Variants in ERG observed in about 807,000 individuals in gnomAD.
The protein encoded by ERG is transcriptional regulator ERG.
Under a neutral mutation model 55.3 loss-of-function variants are expected in ERG, and 9 were observed. That is an observed-to-expected ratio of 0.16 (90% CI 0.10 to 0.28). The LOEUF is 0.28. Ranked by LOEUF, ERG falls within the 10% of genes least tolerant of loss-of-function variation. The probability of loss-of-function intolerance (pLI) is 1.00; values close to 1 mark genes in which losing one functional copy is unlikely to be tolerated. For missense variants in ERG, 434 were observed against 631.6 expected, an observed-to-expected ratio of 0.69 and a Z score of 3.35; for synonymous variants, 223 against 237.3, an observed-to-expected ratio of 0.94 and a Z score of 0.55.
At chr21:38,436,306 T>G (rs2058789662) in intron 2 of ERG, among the ~76,000 whole-genome samples, 1 of 152,146 alleles carries the variant, frequency 6.6e-6, no homozygotes, top group African/African-American at 2.4e-5. Flanking sequence ...TAAAGGTGAG[T>G]GCAGGTGAAC....
chr21:38,637,490 T>C (rs1422120877), intron 1 of ERG, among the ~76,000 whole-genome samples: 4 of 152,198 alleles, frequency 2.6e-5, no homozygotes, highest in African/African-American at 7.2e-5. Context: ...CCTTGGAAAG[T>C]TACCTAACAT....
At chr21:38,622,323 G>A (rs1029398861) in intron 1 of ERG, among the ~76,000 whole-genome samples, 3 of 152,038 alleles carry the variant, frequency 2.0e-5, no homozygotes, top group Non-Finnish European at 2.9e-5. Context: ...CTGCCGCGCC[G>A]AGGGAATGGG....
intron 1 of ERG, chr21:38,450,847 C>A: frequency 2.2e-6 from 1 of 447,790 alleles, no homozygotes; most frequent in South Asian, 1.6e-5. Flanking sequence ...TGACATCTTA[C>A]ATTTTATGAA....
chr21:38,395,459 C>T (rs562796056), intron 6 of ERG: 1 of 215,370 alleles, frequency 4.6e-6, no homozygotes, highest in South Asian at 1.9e-4. Flanking sequence ...ATCATTTCAA[C>T]ACCCTCTCCA....
intron 2 of ERG, among the ~76,000 whole-genome samples, chr21:38,518,604 G>A (rs2059571045): frequency 6.6e-6 from 1 of 151,912 alleles, no homozygotes; most frequent in Non-Finnish European, 1.5e-5. Context: ...AACTTGAGAA[G>A]TAACTCATAA....
At chr21:38,504,050 G>A (rs1440837681) in intron 2 of ERG, among the ~76,000 whole-genome samples, 1 of 152,076 alleles carries the variant, frequency 6.6e-6, no homozygotes, top group Non-Finnish European at 1.5e-5. Context: ...GGGGGGGTAG[G>A]GGAGTGCCAT....
rs115007016 is a variant in ERG at position 38,391,169 on chromosome 21, A to C, written c.872-127T>G. 23 of 759,100 alleles carry C rather than the reference A, an allele frequency of 3.0e-5. No individual in the cohort carries two copies. In the African/African-American group the frequency reaches 3.7e-4, roughly 12 times the overall value. 47.0% of individuals were successfully genotyped at this position (759,100 alleles called of 1,614,324 possible). On this transcript the variant is annotated intron_variant, in intron 8 of 9. Transcript: ENST00000288319. ...GAGCCGAAAATGTCCTCCAACTCCA[A>C]ATCAACTGCCTCCACCTCCTCTATG...
intron 6 of ERG, among the ~76,000 whole-genome samples, chr21:38,394,111 T>A (rs1458656551): frequency 2.6e-5 from 4 of 152,164 alleles, no homozygotes; most frequent in Non-Finnish European, 5.9e-5. Flanking sequence ...AAGAAAAACC[T>A]ACTCACAAGG....
chr21:38,449,251 G>A (rs2058919361), intron 1 of ERG: 2 of 152,184 alleles, frequency 1.3e-5, no homozygotes, highest in South Asian at 2.1e-4. Flanking sequence ...TTGCCAATGT[G>A]TGGGGTGTTT....
chr21:38,532,196 CA>C (rs748103751), intron 2 of ERG, among the ~76,000 whole-genome samples: 2 of 152,076 alleles, frequency 1.3e-5, no homozygotes, highest in Non-Finnish European at 2.9e-5. Flanking sequence ...AACAGACAAC[CA>C]ATAATAATTG....
intron 2 of ERG, among the ~76,000 whole-genome samples, chr21:38,435,353 T>C (rs1189107942): frequency 2.6e-5 from 4 of 152,002 alleles, no homozygotes; most frequent in African/African-American, 9.7e-5. Context: ...CGCTGCAGGG[T>C]AATTTGTGGG....
intron 2 of ERG, among the ~76,000 whole-genome samples, chr21:38,435,478 G>T (rs551081608): frequency 8.5e-5 from 13 of 152,286 alleles, no homozygotes; most frequent in Non-Finnish European, 1.6e-4. Context: ...AACTGAAACC[G>T]TAGATGTTTG....
chr21:38,520,133 G>A (rs757298350), intron 2 of ERG, among the ~76,000 whole-genome samples: 1 of 152,130 alleles, frequency 6.6e-6, no homozygotes, highest in African/African-American at 2.4e-5. Flanking sequence ...GATGAAACGG[G>A]GGAGAAGGGA....
chr21:38,395,639 G>A, intron 6 of ERG: 1 of 179,172 alleles, frequency 5.6e-6, no homozygotes, highest in East Asian at 9.3e-5. Flanking sequence ...GGTGAACACA[G>A]ATGTACATTA....
At chr21:38,553,027 G>A (rs564236371) in intron 2 of ERG, among the ~76,000 whole-genome samples, 21 of 152,038 alleles carry the variant, frequency 1.4e-4, no homozygotes, top group Non-Finnish European at 2.6e-4. Flanking sequence ...AAAATCAGTA[G>A]CATTTCTAAA....
At chr21:38,491,263 T>C (rs1315465123) in intron 1 of ERG, among the ~76,000 whole-genome samples, 1 of 149,132 alleles carries the variant, frequency 6.7e-6, no homozygotes, top group Non-Finnish European at 1.5e-5. Context: ...AGCATGGAGA[T>C]GAGAAACTCA....
intron 1 of ERG, among the ~76,000 whole-genome samples, chr21:38,631,796 C>T (rs144488341): frequency 3.3e-5 from 5 of 152,132 alleles, no homozygotes; most frequent in African/African-American, 1.2e-4. Context: ...CATCTCCTCT[C>T]TCCTGCCAGG....
rs369318352 is a variant in ERG at position 38,403,661 on chromosome 21, G to A, written c.437C>T (p.Ala146Val). Residue 146 changes from alanine to valine, a missense_variant, in exon 4 of 10, where the codon GCG (alanine) becomes GTG (valine). Ala to Val is a moderately conservative substitution (Grantham distance 64, BLOSUM62 0). Coordinates refer to ENST00000288319, the MANE Select transcript of ERG (RefSeq NM_182918.4). Reference protein sequence around the residue: ...TDHVRQWLEWAVKEYGLPDVN... With the variant: ...TDHVRQWLEWVVKEYGLPDVN... ...GTCTGGAAGGCCATATTCTTTCACC[G>A]CCCACTCCAGCCACTGCCGCACATG... The A allele has an allele frequency of 6.2e-6, 10 of 1,613,978 alleles. No homozygotes were observed. Among genetic ancestry groups the A allele is most frequent in the East Asian group, 2.2e-5 (1 of 44,886 alleles).
chr21:38,600,204 A>G (rs537198061), intron 1 of ERG, among the ~76,000 whole-genome samples: 23 of 152,316 alleles, frequency 1.5e-4, no homozygotes, highest in African/African-American at 5.1e-4. Flanking sequence ...GGCTTTGGCT[A>G]CCCTGGGGCT....
Sources: gnomAD v4.1 joint callset for allele counts (sites outside exome capture counted in the v4.1 genomes callset) on GRCh38, gnomAD v4.1.1 for gene constraint, MANE v1.5 for transcripts, NCBI Gene and HGNC (gene_info 2026-07-23, HGNC 2026-07-21) for gene names.